CMSS1: variants seen among roughly 807,000 people sequenced by gnomAD.
CMSS1 encodes cms1 ribosomal small subunit homolog, also known as protein CMSS1.
In CMSS1, 33 loss-of-function variants were observed where a neutral mutation model predicts 43.5. That is an observed-to-expected ratio of 0.76 (90% confidence interval 0.57 to 1.01). The LOEUF (loss-of-function observed/expected upper bound fraction) is 1.01, where lower values mean the gene tolerates loss of function less well. Among genes scored for constraint, CMSS1 ranks in the 50% least tolerant of loss-of-function variants. The pLI, the probability that CMSS1 is intolerant of heterozygous loss-of-function variation, is 0.00. For missense variants in CMSS1, 313 were observed against 326.4 expected (o/e 0.96, Z 0.32); for synonymous variants, 115 against 117.2 (o/e 0.98, Z 0.12).
chr3:99,919,103 A>G (rs1707045437), intron 1 of CMSS1, among the ~76,000 whole-genome samples: 1 of 152,140 alleles, frequency 6.6e-6, no homozygotes, highest in Non-Finnish European at 1.5e-5. Flanking sequence ...ATTGCTTTGT[A>G]GGATACCCTT....
chr3:99,923,158 A>T (rs942498032), intron 1 of CMSS1, among the ~76,000 whole-genome samples: 3 of 151,090 alleles, frequency 2.0e-5, no homozygotes, highest in African/African-American at 7.3e-5. Context: ...GCCTTGATGT[A>T]TTCTAGGGTT....
chr3:99,907,909 C>T (rs1016252756), intron 1 of CMSS1, among the ~76,000 whole-genome samples: 2 of 152,168 alleles, frequency 1.3e-5, no homozygotes, highest in Non-Finnish European at 2.9e-5. Context: ...ATGTGTGATC[C>T]AGTGCCTGGC....
In CMSS1 at chr3:100,178,578, A is replaced by G; in HGVS notation, c.*190A>G. On this transcript the variant is annotated 3_prime_UTR_variant, in exon 10 of 10. Transcript: ENST00000421999. ...GTCCTTTTGACAACTCTCTTATATAATAAAGTATCACCGGCTTGTGTATGA... is the reference window on the plus strand; with the variant it reads ...GTCCTTTTGACAACTCTCTTATATAGTAAAGTATCACCGGCTTGTGTATGA... 1.9e-6 allele frequency: 1 copy of G among 515,450 alleles called. No individual in the cohort carries two copies. The highest frequency in any genetic ancestry group is 2.6e-5 in the South Asian group (1 of 38,516). 31.9% of individuals were successfully genotyped at this position (515,450 alleles called of 1,614,324 possible).
rs1269575591 is a variant in CMSS1 at position 99,849,353 on chromosome 3, G to T, written c.64+31310G>T. On this transcript the variant is annotated intron_variant, in intron 1 of 9. Coordinates refer to ENST00000421999, the MANE Select transcript of CMSS1 (RefSeq NM_032359.4). ...GGCCTGAGGCTCTTACTGAAATGCC[G>T]GTACCTCTCTAACTCCTTAGTGAGG... The T allele has an allele frequency of 1.9e-6, 3 of 1,613,842 alleles. No individual in the cohort carries two copies. The African/African-American group carries it at 4.0e-5, about 22-fold the overall frequency.
intron 1 of CMSS1, among the ~76,000 whole-genome samples, chr3:100,121,931 G>A (rs961246310): frequency 7.9e-5 from 12 of 152,284 alleles, no homozygotes; most frequent in South Asian, 2.1e-4. Context: ...ACACTGCAAG[G>A]AGAATCTCGG....
chr3:100,086,139 T>C (rs1160742696), intron 1 of CMSS1, among the ~76,000 whole-genome samples: 1 of 152,246 alleles, frequency 6.6e-6, no homozygotes, highest in Non-Finnish European at 1.5e-5. Flanking sequence ...CGAACCTGCA[T>C]AAAGAGCATA....
intron 1 of CMSS1, among the ~76,000 whole-genome samples, chr3:100,043,206 T>C (rs2065232355): frequency 6.6e-6 from 1 of 152,232 alleles, no homozygotes; most frequent in Non-Finnish European, 1.5e-5. Context: ...AGTATTTCAT[T>C]CTTTACTGTG....
intron 1 of CMSS1, among the ~76,000 whole-genome samples, chr3:100,099,753 GAT>G (rs2066273018): frequency 6.6e-6 from 1 of 152,146 alleles, no homozygotes. Flanking sequence ...CCTCTCATAA[GAT>G]ATGTTCTGTA....
chr3:100,092,137 C>T (rs955326006), intron 1 of CMSS1, among the ~76,000 whole-genome samples: 3 of 152,182 alleles, frequency 2.0e-5, no homozygotes, highest in Admixed American at 2.0e-4. Context: ...CTTCCTCACA[C>T]ATTTTTAAGT....
intron 1 of CMSS1, among the ~76,000 whole-genome samples, chr3:100,042,330 G>T (rs1161182361): frequency 6.6e-6 from 1 of 151,978 alleles, no homozygotes; most frequent in African/African-American, 2.4e-5. Flanking sequence ...AAGAAGACCA[G>T]CCAGTAACAA....
intron 1 of CMSS1, among the ~76,000 whole-genome samples, chr3:99,829,981 A>G (rs866850469): frequency 1.3e-5 from 2 of 152,216 alleles, no homozygotes; most frequent in Non-Finnish European, 1.5e-5. Context: ...GATGGAAATA[A>G]TCTGATTTTC....
chr3:100,147,834 G>T (rs564654502), intron 2 of CMSS1, among the ~76,000 whole-genome samples: 2 of 152,100 alleles, frequency 1.3e-5, no homozygotes, highest in African/African-American at 2.4e-5. Context: ...CGTGGTCTTT[G>T]CCATTACCAG....
At chr3:99,936,843 A>C (rs992586471) in intron 1 of CMSS1, among the ~76,000 whole-genome samples, 3 of 152,114 alleles carry the variant, frequency 2.0e-5, no homozygotes, top group African/African-American at 7.2e-5. Context: ...ATCCTGGTTT[A>C]ACATTAATTT....
chr3:99,965,749 A>G (rs1011090368), intron 1 of CMSS1, among the ~76,000 whole-genome samples: 1 of 152,206 alleles, frequency 6.6e-6, no homozygotes, highest in Non-Finnish European at 1.5e-5. Context: ...TTTAGGTTAA[A>G]TGAAGGTTAC....
intron 1 of CMSS1, among the ~76,000 whole-genome samples, chr3:99,985,225 A>T (rs1262874676): frequency 6.6e-6 from 1 of 152,178 alleles, no homozygotes; most frequent in Non-Finnish European, 1.5e-5. Context: ...GGTTCTCTAA[A>T]ATTAGTCTCA....
chr3:99,934,319 A>G (rs1707587861), intron 1 of CMSS1, among the ~76,000 whole-genome samples: 2 of 152,256 alleles, frequency 1.3e-5, no homozygotes, highest in Admixed American at 6.5e-5. Flanking sequence ...CCACACCCAC[A>G]GATTCAGATT....
rs35573217 is a variant in CMSS1, at chr3:99,936,308, C to G, written c.64+118265C>G. Among the ~76,000 whole-genome samples, 165 of 145,552 alleles carry G rather than the reference C, an allele frequency of 1.1e-3. 1 individual carries two copies. The highest frequency in any genetic ancestry group is 4.0e-3 in the African/African-American group (159 of 39,504). On this transcript the variant is annotated intron_variant, in intron 1 of 9. Transcript: ENST00000421999. ...ATTACTTATCATATACAAGCCCATT[C>G]TAAATGCCTTCCTTTGATTAACTCA...
At chr3:99,985,594 CTT>C (rs759661932) in intron 1 of CMSS1, among the ~76,000 whole-genome samples, 1 of 145,600 alleles carries the variant, frequency 6.9e-6, no homozygotes. Context: ...ATGAGAAAAG[CTT>C]TTTTTTTTTT....
At chr3:99,857,805 A>G (rs1297834925) in intron 1 of CMSS1, among the ~76,000 whole-genome samples, 1 of 152,210 alleles carries the variant, frequency 6.6e-6, no homozygotes, top group African/African-American at 2.4e-5. Flanking sequence ...CTGTCTCTTT[A>G]AGGAAACCTA....
Sources: allele counts gnomAD v4.1 joint callset (sites outside exome capture counted in the v4.1 genomes callset), GRCh38; gene constraint gnomAD v4.1.1; transcripts MANE v1.5; gene names NCBI Gene and HGNC (gene_info 2026-07-23, HGNC 2026-07-21).